The following ATP8B1 variants were observed in gnomAD, a reference collection of about 807,000 sequenced individuals.
ATP8B1 encodes the protein ATPase phospholipid transporting 8B1, also known as phospholipid-transporting ATPase IC.
A neutral mutation model predicts 149.9 loss-of-function variants in ATP8B1; 80 were observed. The observed-to-expected ratio is 0.53, with a 90% CI of 0.45 to 0.64. ATP8B1 has a LOEUF of 0.64. ATP8B1 is among the 30% of genes least tolerant of loss of function. ATP8B1 has a pLI of 0.00. For synonymous variants in ATP8B1, 536 were observed against 562.8 expected (o/e 0.95, Z 0.67); for missense variants, 1,247 against 1,552.6 (o/e 0.80, Z 3.31).
chr18:57,730,266 C>T (rs1268914094), intron 2 of ATP8B1, among the ~76,000 whole-genome samples: 2 of 152,112 alleles, frequency 1.3e-5, no homozygotes, highest in Non-Finnish European at 2.9e-5. Flanking sequence ...GAAAAAGAGG[C>T]TTCTAGAAAG....
rs139139598 is a variant in ATP8B1, at chr18:57,769,928, A to G, written c.-26+33070T>C. On this transcript the variant is annotated intron_variant, in intron 1 of 27. Coordinates refer to ENST00000648908, the MANE Select transcript of ATP8B1 (RefSeq NM_001374385.1). ...AGGATCCAATAAGGTAGGTCCTGTTATTCCCCTTGTATAAATGAAGACACT... is the reference window on the plus strand; with the variant it reads ...AGGATCCAATAAGGTAGGTCCTGTTGTTCCCCTTGTATAAATGAAGACACT... 8.5e-5 allele frequency among the ~76,000 whole-genome samples: 13 copies of G among 152,342 alleles called. No individual in the cohort carries two copies. The East Asian group carries it at 2.3e-3, about 27-fold the overall frequency.
At chr18:57,764,279 CTTCT>C (rs1302503493) in intron 1 of ATP8B1, among the ~76,000 whole-genome samples, 8 of 150,596 alleles carry the variant, frequency 5.3e-5, no homozygotes, top group South Asian at 2.1e-4. Context: ...TCCTTCCTTC[CTTCT>C]TTCTTTCTTC....
chr18:57,711,751 C>CT (rs1890400998), intron 2 of ATP8B1, among the ~76,000 whole-genome samples: 1 of 152,022 alleles, frequency 6.6e-6, no homozygotes, highest in Admixed American at 6.6e-5. Flanking sequence ...CGCCATCGTA[C>CT]CTAATTTTTA....
At chr18:57,696,280 G>A (rs972417489) in intron 8 of ATP8B1, among the ~76,000 whole-genome samples, 6 of 152,290 alleles carry the variant, frequency 3.9e-5, no homozygotes, top group Admixed American at 1.3e-4. Context: ...ACAGTCGGGC[G>A]CCGCGGCTCA....
intron 1 of ATP8B1, among the ~76,000 whole-genome samples, chr18:57,748,044 AT>A (rs1182690826): frequency 2.0e-5 from 3 of 152,160 alleles, no homozygotes; most frequent in African/African-American, 4.8e-5. Context: ...AACAGGTCAA[AT>A]ATAAGGAGTG....
chr18:57,772,516 G>T (rs949397988), intron 1 of ATP8B1, among the ~76,000 whole-genome samples: 2 of 152,192 alleles, frequency 1.3e-5, no homozygotes, highest in South Asian at 4.1e-4. Context: ...AGAGGAGACT[G>T]GAAAGCAGAC....
chr18:57,745,329 T>TCAC (rs1379499983), intron 1 of ATP8B1, among the ~76,000 whole-genome samples: 3 of 152,220 alleles, frequency 2.0e-5, no homozygotes, highest in African/African-American at 7.2e-5. Flanking sequence ...TGTAGTGCAG[T>TCAC]GGGGAGATCT....
chr18:57,785,487 G>T (rs2080398374), intron 1 of ATP8B1, among the ~76,000 whole-genome samples: 1 of 152,130 alleles, frequency 6.6e-6, no homozygotes, highest in Admixed American at 6.6e-5. Context: ...TATTTTTGTT[G>T]TTGTTGTTGT....
intron 1 of ATP8B1, among the ~76,000 whole-genome samples, chr18:57,766,493 G>A (rs2080212926): frequency 6.6e-6 from 1 of 152,164 alleles, no homozygotes; most frequent in East Asian, 1.9e-4. Context: ...CTAAAAGCTA[G>A]GGACAGTGGG....
intron 1 of ATP8B1, among the ~76,000 whole-genome samples, chr18:57,768,621 T>C (rs2080239396): frequency 6.8e-6 from 1 of 148,022 alleles, no homozygotes; most frequent in Non-Finnish European, 1.5e-5. Flanking sequence ...TTTTAAAGCT[T>C]TCTCTATTGT....
intron 2 of ATP8B1, among the ~76,000 whole-genome samples, chr18:57,713,211 CCTTCCTTCCTTCCTTCCTTCCTTCCT>C (rs1913800587): frequency 8.0e-6 from 1 of 125,756 alleles, no homozygotes; most frequent in African/African-American, 3.2e-5. Context: ...TTCCTTCCTT[CCTTCCTTCCTTCCTTCCTTCCTTCCT>C]TCCTTCTTTC....
intron 1 of ATP8B1, among the ~76,000 whole-genome samples, chr18:57,766,867 G>A (rs964279953): frequency 6.6e-6 from 1 of 152,186 alleles, no homozygotes; most frequent in African/African-American, 2.4e-5. Context: ...GCCTTTCCTA[G>A]AGGAGGTGTT....
chr18:57,734,578 T>G (rs545798752), intron 1 of ATP8B1, among the ~76,000 whole-genome samples: 15 of 152,190 alleles, frequency 9.9e-5, no homozygotes, highest in Non-Finnish European at 1.6e-4. Flanking sequence ...TTTAATGGTA[T>G]TATTATTATT....
intron 13 of ATP8B1, among the ~76,000 whole-genome samples, chr18:57,687,123 C>G (rs936801665): frequency 5.9e-5 from 9 of 152,106 alleles, no homozygotes; most frequent in African/African-American, 1.7e-4. Flanking sequence ...GACACTGCAC[C>G]CAGCCCATTT....
intron 1 of ATP8B1, among the ~76,000 whole-genome samples, chr18:57,781,752 A>G (rs1019781149): frequency 6.6e-6 from 1 of 152,158 alleles, no homozygotes; most frequent in African/African-American, 2.4e-5. Context: ...AGATGGGAGG[A>G]TAGCTTGATG....
intron 2 of ATP8B1, among the ~76,000 whole-genome samples, chr18:57,729,702 C>G (rs2079742157): frequency 6.6e-6 from 1 of 152,042 alleles, no homozygotes; most frequent in Admixed American, 6.6e-5. Flanking sequence ...AGGCACTTGC[C>G]ACCACGCCTG....
At chr18:57,666,769 C>G (rs1910886099) in intron 20 of ATP8B1, among the ~76,000 whole-genome samples, 1 of 152,166 alleles carries the variant, frequency 6.6e-6, no homozygotes, top group Non-Finnish European at 1.5e-5. Context: ...CTCCTGACTT[C>G]AGGTGATCCA....
At chr18:57,731,384 A>T in intron 2 of ATP8B1, 2 of 387,970 alleles carry the variant, frequency 5.2e-6, no homozygotes, top group Admixed American at 3.7e-5. Context: ...TACACACACT[A>T]ACAAAGACCT....
At chr18:57,656,147 C>G (rs1403127487) in intron 22 of ATP8B1, among the ~76,000 whole-genome samples, 1 of 152,058 alleles carries the variant, frequency 6.6e-6, no homozygotes, top group Non-Finnish European at 1.5e-5. Flanking sequence ...AGTGACCCAG[C>G]CTAGACCCTG....
Sources: gnomAD v4.1 joint callset for allele counts (sites outside exome capture counted in the v4.1 genomes callset) on GRCh38, gnomAD v4.1.1 for gene constraint, MANE v1.5 for transcripts, NCBI Gene and HGNC (gene_info 2026-07-23, HGNC 2026-07-21) for gene names.